The following TYW1B variants were observed in gnomAD, a reference collection of about 807,000 sequenced individuals.
TYW1B encodes the protein tRNA-yW synthesizing protein 1 homolog B.
Under a neutral mutation model 86.9 loss-of-function variants are expected in TYW1B, and 73 were observed. That is an observed-to-expected ratio of 0.84 (90% CI 0.70 to 1.02). TYW1B has a LOEUF of 1.02. Ranked by LOEUF, TYW1B falls within the 50% of genes least tolerant of loss-of-function variation. TYW1B has a pLI of 0.00. For missense variants in TYW1B, 637 were observed against 827.4 expected (o/e 0.77, Z 2.82); for synonymous variants, 248 against 292.8 (o/e 0.85, Z 1.56).
chr7:72,650,986 A>C (rs1332779815), intron 11 of TYW1B, among the ~76,000 whole-genome samples: 1 of 152,210 alleles, frequency 6.6e-6, no homozygotes, highest in Non-Finnish European at 1.5e-5. Flanking sequence ...CTGATTCTAA[A>C]ATAAATATGA....
At chr7:72,688,716 G>A (rs574204832) in intron 11 of TYW1B, among the ~76,000 whole-genome samples, 16 of 152,148 alleles carry the variant, frequency 1.1e-4, no homozygotes, top group Admixed American at 2.6e-4. Context: ...GATCTACCCC[G>A]GTATTCCTTC....
chr7:72,746,377 T>C (rs1183738544), intron 7 of TYW1B, among the ~76,000 whole-genome samples: 3 of 152,130 alleles, frequency 2.0e-5, no homozygotes, highest in Non-Finnish European at 2.9e-5. Context: ...ATCTTGTAAA[T>C]AGCACTGAAA....
At chr7:72,606,613 C>CG (rs1554434902) in intron 13 of TYW1B, among the ~76,000 whole-genome samples, 2 of 60,738 alleles carry the variant, frequency 3.3e-5, no homozygotes, top group East Asian at 1.1e-3. Context: ...TAAGGCCCCC[C>CG]CCCCGCCTCC....
chr7:72,754,593 A>G (rs1298801095), intron 7 of TYW1B, among the ~76,000 whole-genome samples: 1 of 151,690 alleles, frequency 6.6e-6, no homozygotes, highest in Non-Finnish European at 1.5e-5. Context: ...ACATGCCACC[A>G]TGTCTGGCTA....
chr7:72,577,424 G>A (rs1433416469), intron 13 of TYW1B, among the ~76,000 whole-genome samples: 1 of 152,166 alleles, frequency 6.6e-6, no homozygotes, highest in African/African-American at 2.4e-5. Flanking sequence ...AACCCAAGAT[G>A]TAAAATTTAT....
At chr7:72,616,464 G>A (rs1340930994) in intron 13 of TYW1B, among the ~76,000 whole-genome samples, 1 of 152,186 alleles carries the variant, frequency 6.6e-6, no homozygotes, top group Non-Finnish European at 1.5e-5. Flanking sequence ...AAGGTGTCCA[G>A]AGGAGGGCTA....
chr7:72,650,075 T>TG (rs1813023567), intron 11 of TYW1B, among the ~76,000 whole-genome samples: 1 of 150,732 alleles, frequency 6.6e-6, no homozygotes, highest in Admixed American at 6.6e-5. Flanking sequence ...GTTGGTTTTT[T>TG]TTTTTTTTTT....
chr7:72,773,553 CA>C (rs1563089475), intron 7 of TYW1B, among the ~76,000 whole-genome samples: 1 of 152,066 alleles, frequency 6.6e-6, no homozygotes, highest in Non-Finnish European at 1.5e-5. Flanking sequence ...CCTGGGGAGA[CA>C]AAGGTGGCTA....
chr7:72,614,459 C>T (rs1812017953), intron 13 of TYW1B, among the ~76,000 whole-genome samples: 2 of 151,958 alleles, frequency 1.3e-5, no homozygotes, highest in African/African-American at 4.8e-5. Context: ...ATGGTGAAAC[C>T]CTGTCTCTAC....
At chr7:72,592,753 A>C (rs1298693346) in intron 13 of TYW1B, among the ~76,000 whole-genome samples, 1 of 152,260 alleles carries the variant, frequency 6.6e-6, no homozygotes, top group Admixed American at 6.5e-5. Flanking sequence ...GGCTCTACTA[A>C]TATCAAAGAA....
At chr7:72,597,681 A>C (rs1170242081) in intron 13 of TYW1B, among the ~76,000 whole-genome samples, 7 of 152,356 alleles carry the variant, frequency 4.6e-5, no homozygotes, top group Non-Finnish European at 8.8e-5. Flanking sequence ...ACAGATTTGA[A>C]ATTTTTTATC....
chr7:72,637,022 C>T (rs1350536858), intron 11 of TYW1B, among the ~76,000 whole-genome samples: 1 of 152,008 alleles, frequency 6.6e-6, no homozygotes, highest in Non-Finnish European at 1.5e-5. Context: ...ACTAAAAATA[C>T]AAAATTAGCT....
intron 8 of TYW1B, among the ~76,000 whole-genome samples, chr7:72,731,571 T>C (rs1371343116): frequency 1.3e-5 from 2 of 152,146 alleles, no homozygotes; most frequent in African/African-American, 2.4e-5. Flanking sequence ...ATTTGTTGCC[T>C]ACAAGAAACT....
chr7:72,582,684 C>T (rs1811183811), intron 13 of TYW1B, among the ~76,000 whole-genome samples: 1 of 152,110 alleles, frequency 6.6e-6, no homozygotes, highest in South Asian at 2.1e-4. Flanking sequence ...AGAGAGTGAA[C>T]TGTCCAAGGT....
At chr7:72,822,198 AAAG>A (rs1177591662) in intron 2 of TYW1B, among the ~76,000 whole-genome samples, 1 of 150,898 alleles carries the variant, frequency 6.6e-6, no homozygotes, top group Non-Finnish European at 1.5e-5. Flanking sequence ...GAAGAAGAAA[AAAG>A]AAGAATAAAA....
chr7:72,612,762 T>A (rs34782203), intron 13 of TYW1B, among the ~76,000 whole-genome samples: 24,161 of 152,030 alleles, frequency 0.16, 2,513 homozygotes, highest in East Asian at 0.55. Flanking sequence ...TTATTTATTT[T>A]TTTTTTTGAG....
At position 72,728,888 on chromosome 7, in the gene TYW1B, C is replaced by T; in HGVS notation, c.1126G>A (p.Asp376Asn). Reference sequence around the variant, plus strand: ...TCCTTCAAGATCATTTCAGGCTGGTCCATCTTCCACAACCATTCAGTGCCC... The same window carrying T: ...TCCTTCAAGATCATTTCAGGCTGGTTCATCTTCCACAACCATTCAGTGCCC... ...PVGTEWLWKM[D>N]QPEMILKEAI... Residue 376 changes from aspartate (D) to asparagine (N), a missense_variant, in exon 9 of 14, where the codon GAC becomes AAC. Physicochemically the swap from Asp to Asn is conservative, Grantham distance 23. Coordinates refer to ENST00000620995, the MANE Select transcript of TYW1B (RefSeq NM_001145440.3). 1 of 1,613,922 alleles carries T rather than the reference C, an allele frequency of 6.2e-7. No individual in the cohort carries two copies. The highest frequency in any genetic ancestry group is 2.2e-5 in the East Asian group (1 of 44,874).
intron 6 of TYW1B, among the ~76,000 whole-genome samples, chr7:72,798,151 C>T (rs1554474803): frequency 6.6e-6 from 1 of 152,062 alleles, no homozygotes; most frequent in African/African-American, 2.4e-5. Flanking sequence ...TGCCTGTAAT[C>T]CCAGTACTTT....
At chr7:72,752,622 T>C (rs145369400) in intron 7 of TYW1B, among the ~76,000 whole-genome samples, 1,887 of 152,070 alleles carry the variant, frequency 0.012, 38 homozygotes, top group African/African-American at 0.042. Context: ...TCCCAGCTAC[T>C]CGGGAGGCTG....
Sources: allele counts gnomAD v4.1 joint callset (sites outside exome capture counted in the v4.1 genomes callset), GRCh38; gene constraint gnomAD v4.1.1; transcripts MANE v1.5; gene names NCBI Gene and HGNC (gene_info 2026-07-23, HGNC 2026-07-21).